The following ZNF488 variants were observed in gnomAD, a reference collection of about 807,000 sequenced individuals.
ZNF488 encodes the protein zinc finger protein 488.
Under a neutral mutation model 1.2 loss-of-function variants are expected in ZNF488, and 1 was observed. The observed-to-expected ratio is 0.86, with a 90% confidence interval of 0.30 to 4.07. The LOEUF is 4.07. Ranked by LOEUF, ZNF488 falls within the 30% of genes most tolerant of loss-of-function variation. The probability of loss-of-function intolerance (pLI) is 0.18; values close to 1 mark genes in which losing one functional copy is unlikely to be tolerated. For missense variants in ZNF488, 450 were observed against 437.9 expected (o/e 1.03, Z -0.25); for synonymous variants, 185 against 190.1 (o/e 0.97, Z 0.22).
chr10:47,376,444 C>T (rs1837685354), intron 1 of ZNF488, among the ~76,000 whole-genome samples: 1 of 152,130 alleles, frequency 6.6e-6, no homozygotes, highest in South Asian at 2.1e-4. Context: ...AGGTCAGACC[C>T]AATTGTGAAA....
At chr10:47,373,751 C>T (rs1837566715) in intron 1 of ZNF488, among the ~76,000 whole-genome samples, 1 of 152,186 alleles carries the variant, frequency 6.6e-6, no homozygotes, top group South Asian at 2.1e-4. Flanking sequence ...GCAAAGTCTT[C>T]CATAGACGGA....
rs555271739 is a variant in ZNF488 at position 47,366,328 on chromosome 10, G to A, written c.*1479C>T. ...TGGACAATGGATGCGTGCATGGTGAGAGGCAGGAATGGAGGGAGCGAGGAC... is the reference window on the plus strand; with the variant it reads ...TGGACAATGGATGCGTGCATGGTGAAAGGCAGGAATGGAGGGAGCGAGGAC... On this transcript the variant is annotated 3_prime_UTR_variant, in exon 2 of 2. Transcript: ENST00000585316. 1 of 167,570 alleles carries A rather than the reference G, an allele frequency of 6.0e-6. No individual in the cohort carries two copies. Among genetic ancestry groups the A allele is most frequent in the African/African-American group, 2.4e-5 (1 of 41,572 alleles). The allele number at this position is 167,570 out of a possible 1,614,324, so 10.4% of individuals were successfully genotyped here. A position where few individuals can be genotyped will look rare whatever the true frequency, so the allele number is the denominator to read the frequency against.
At position 47,367,852 on chromosome 10, in the gene ZNF488, G is replaced by A. The variant is rs181686195; in HGVS notation, c.978C>T (p.Phe326=). The change falls in exon 2 of 2, where the codon TTC becomes TTT. Residue 326 remains phenylalanine, a synonymous_variant. Transcript: ENST00000585316. The part of the protein sequence containing the change: ...ALACPVCQEH[F]RERHHLSRHM... ...GCCGGGAGAGGTGGTGGCGCTCCCG[G>A]AAGTGCTCCTGGCACACAGGGCAGG... is the stretch of plus-strand genomic sequence containing the variant. 2 of 1,613,656 alleles carry A rather than the reference G, an allele frequency of 1.2e-6. No individual in the cohort carries two copies. Among genetic ancestry groups the A allele is most frequent in the Non-Finnish European group, 1.7e-6 (2 of 1,179,960 alleles).
intron 1 of ZNF488, among the ~76,000 whole-genome samples, chr10:47,374,664 A>G (rs1837610475): frequency 1.3e-5 from 2 of 152,266 alleles, no homozygotes; most frequent in East Asian, 3.9e-4. Context: ...AAAAAGCCTA[A>G]CCATGCCCTG....
chr10:47,369,208 G>C lies in ZNF488; in HGVS notation c.-108-271C>G, dbSNP rs535106090. Reference sequence around the variant, plus strand: ...TACAGCTCAGTAGAGAGAAACGTAGGATTCCCCTGTCAAAAGTGGTTCCTG... The same window carrying C: ...TACAGCTCAGTAGAGAGAAACGTAGCATTCCCCTGTCAAAAGTGGTTCCTG... On this transcript the variant is annotated intron_variant, in intron 1 of 1. Transcript: ENST00000585316. 1.1e-3 allele frequency among the ~76,000 whole-genome samples: 168 copies of C among 152,344 alleles called. 2 individuals carry two copies. The highest frequency in any genetic ancestry group is 3.9e-3 in the African/African-American group (163 of 41,574).
chr10:47,374,954 A>AAGCC (rs1431764765), intron 1 of ZNF488, among the ~76,000 whole-genome samples: 2 of 152,362 alleles, frequency 1.3e-5, no homozygotes, highest in East Asian at 3.9e-4. Flanking sequence ...CAGTGCAGGA[A>AAGCC]AGCCAAGTGA....
chr10:47,376,575 A>G (rs567205432), intron 1 of ZNF488, among the ~76,000 whole-genome samples: 1 of 152,196 alleles, frequency 6.6e-6, no homozygotes, highest in African/African-American at 2.4e-5. Context: ...TTGCACTCAT[A>G]TCCTCCAAGA....
chr10:47,368,949 G>T lies in ZNF488; in HGVS notation c.-108-12C>A. On this transcript the variant is annotated splice_polypyrimidine_tract_variant and intron_variant, in intron 1 of 1. Coordinates refer to ENST00000585316, the MANE Select transcript of ZNF488 (RefSeq NM_153034.4). Reference sequence around the variant, plus strand: ...TCGGCCACAGGGCCCTGCAGAGAGAGGAAGCGACAGGCAGTGAGATGGGCA... The same window carrying T: ...TCGGCCACAGGGCCCTGCAGAGAGATGAAGCGACAGGCAGTGAGATGGGCA... 8.3e-7 allele frequency: 1 copy of T among 1,209,328 alleles called. No homozygotes were observed. The allele number at this position is 1,209,328 out of a possible 1,614,324, so 74.9% of individuals were successfully genotyped here.
intron 1 of ZNF488, among the ~76,000 whole-genome samples, chr10:47,378,513 G>A (rs1313233749): frequency 3.3e-5 from 5 of 152,194 alleles, no homozygotes; most frequent in African/African-American, 4.8e-5. Context: ...GAATCTAGGA[G>A]TGGATGAGAG....
Position 47,367,721 on chromosome 10 carries a change from T to C in ZNF488, c.*86A>G. 2.0e-6 allele frequency: 3 copies of C among 1,466,484 alleles called. No individual in the cohort carries two copies. Among genetic ancestry groups the C allele is most frequent in the South Asian group, 1.3e-5 (1 of 74,610 alleles). 90.8% of individuals were successfully genotyped at this position (1,466,484 alleles called of 1,614,324 possible). On this transcript the variant is annotated 3_prime_UTR_variant, in exon 2 of 2. Coordinates refer to ENST00000585316, the MANE Select transcript of ZNF488 (RefSeq NM_153034.4). ...AAAGCAGCAGCTCTGCAAAGGACCA[T>C]GACAGCCCCCTCAACGCAGGCCCAG...
chr10:47,380,133 G>A lies in ZNF488; in HGVS notation c.-109+4087C>T, dbSNP rs1343649530. Among the ~76,000 whole-genome samples, 4 of 152,276 alleles carry A rather than the reference G, an allele frequency of 2.6e-5. No individual in the cohort carries two copies. In the South Asian group the frequency reaches 8.3e-4, roughly 31 times the overall value. On this transcript the variant is annotated intron_variant, in intron 1 of 1. Coordinates refer to ENST00000585316, the MANE Select transcript of ZNF488 (RefSeq NM_153034.4). ...TCGTCAGCTCTCCTCAGTAGGTTCA[G>A]TTCACACCCGGGCTCTCACCCCCTG...
intron 1 of ZNF488, among the ~76,000 whole-genome samples, chr10:47,381,791 G>C (rs1555215500): frequency 6.6e-6 from 1 of 152,294 alleles, no homozygotes; most frequent in Non-Finnish European, 1.5e-5. Context: ...AGCAGGGCCA[G>C]TGAAAGCAGA....
chr10:47,370,699 G>C (rs912466857), intron 1 of ZNF488, among the ~76,000 whole-genome samples: 3 of 152,212 alleles, frequency 2.0e-5, no homozygotes, highest in African/African-American at 7.2e-5. Context: ...GGATGCATAC[G>C]CAAGACGAAG....
At chr10:47,375,143 G>C (rs1837630482) in intron 1 of ZNF488, among the ~76,000 whole-genome samples, 1 of 152,246 alleles carries the variant, frequency 6.6e-6, no homozygotes, top group Admixed American at 6.5e-5. Flanking sequence ...GCTGGAGCCA[G>C]CTCACAGTGG....
intron 1 of ZNF488, among the ~76,000 whole-genome samples, chr10:47,377,330 C>T (rs1033803358): frequency 6.6e-6 from 1 of 152,096 alleles, no homozygotes; most frequent in Non-Finnish European, 1.5e-5. Flanking sequence ...AGCTCAATCC[C>T]GGTCTTTTTT....
chr10:47,378,498 AG>A (rs1837782542), intron 1 of ZNF488, among the ~76,000 whole-genome samples: 1 of 152,226 alleles, frequency 6.6e-6, no homozygotes, highest in African/African-American at 2.4e-5. Flanking sequence ...CCCAGGGCTC[AG>A]GGAGAATCTA....
intron 1 of ZNF488, among the ~76,000 whole-genome samples, chr10:47,371,830 C>A (rs911508408): frequency 6.6e-6 from 1 of 152,094 alleles, no homozygotes; most frequent in South Asian, 2.1e-4. Context: ...CTAGCCCCCA[C>A]GCTGGAGTGC....
chr10:47,373,702 G>A (rs951798783), intron 1 of ZNF488, among the ~76,000 whole-genome samples: 1 of 152,174 alleles, frequency 6.6e-6, no homozygotes, highest in African/African-American at 2.4e-5. Flanking sequence ...CATGCTGCTG[G>A]GACATGGGAC....
At chr10:47,375,813 C>A (rs1415802311) in intron 1 of ZNF488, among the ~76,000 whole-genome samples, 1 of 152,210 alleles carries the variant, frequency 6.6e-6, no homozygotes, top group Admixed American at 6.5e-5. Context: ...ACCCCATATA[C>A]TTTCTAATTC....
Sources: gnomAD v4.1 joint callset for allele counts (sites outside exome capture counted in the v4.1 genomes callset) on GRCh38, gnomAD v4.1.1 for gene constraint, MANE v1.5 for transcripts, NCBI Gene and HGNC (gene_info 2026-07-23, HGNC 2026-07-21) for gene names.